Variants in SH3GL3 observed in about 807,000 individuals in gnomAD.
The protein encoded by SH3GL3 is endophilin-A3.
A neutral mutation model predicts 47.7 loss-of-function variants in SH3GL3; 33 were observed. The ratio of observed to expected loss-of-function variants is 0.69; its 90% confidence interval spans 0.52 to 0.92. SH3GL3 has a LOEUF of 0.92. Among genes scored for constraint, SH3GL3 ranks in the 40% least tolerant of loss-of-function variants. SH3GL3 has a pLI of 0.00. For missense variants in SH3GL3, 363 were observed against 417.8 expected (o/e 0.87, Z 1.14); for synonymous variants, 155 against 148.8 (o/e 1.04, Z -0.30).
At chr15:83,614,051 A>T (rs1446802989) in intron 8 of SH3GL3, among the ~76,000 whole-genome samples, 2 of 152,204 alleles carry the variant, frequency 1.3e-5, no homozygotes, top group African/African-American at 4.8e-5. Flanking sequence ...CCACATTAAA[A>T]CAGTTATACA....
chr15:83,536,296 A>C (rs1047865686), intron 1 of SH3GL3, among the ~76,000 whole-genome samples: 6 of 152,062 alleles, frequency 3.9e-5, no homozygotes, highest in African/African-American at 9.7e-5. Context: ...TCCTGGGCAC[A>C]CTCAGCCAAG....
At chr15:83,563,800 G>A (rs915235664) in intron 2 of SH3GL3, among the ~76,000 whole-genome samples, 10 of 151,840 alleles carry the variant, frequency 6.6e-5, no homozygotes, top group African/African-American at 1.9e-4. Flanking sequence ...CATCATGCCC[G>A]GCTAATTTTT....
At chr15:83,486,406 C>T (rs970310488) in intron 1 of SH3GL3, among the ~76,000 whole-genome samples, 19 of 152,148 alleles carry the variant, frequency 1.2e-4, no homozygotes, top group Non-Finnish European at 2.4e-4. Flanking sequence ...TCATTTCCCA[C>T]CCCACCCATC....
intron 1 of SH3GL3, among the ~76,000 whole-genome samples, chr15:83,485,879 A>G (rs899956855): frequency 6.6e-6 from 1 of 152,234 alleles, no homozygotes; most frequent in African/African-American, 2.4e-5. Context: ...ACAGAAAACT[A>G]AAGAGAAAAA....
chr15:83,558,915 CT>C (rs2045103641), intron 1 of SH3GL3, among the ~76,000 whole-genome samples: 1 of 152,096 alleles, frequency 6.6e-6, no homozygotes. Flanking sequence ...TCTTATTGTT[CT>C]TTTCTTGTTT....
chr15:83,585,213 T>TC (rs138618635), intron 6 of SH3GL3, among the ~76,000 whole-genome samples: 8,175 of 152,288 alleles, frequency 0.054, 302 homozygotes, highest in Non-Finnish European at 0.083. Context: ...TGCCATTGTT[T>TC]CCCAAGGTTT....
At chr15:83,492,435 G>A (rs970133179) in intron 1 of SH3GL3, among the ~76,000 whole-genome samples, 2 of 151,920 alleles carry the variant, frequency 1.3e-5, no homozygotes, top group East Asian at 1.9e-4. Context: ...AAAAAAAGAC[G>A]GGGGAAGTGG....
chr15:83,601,257 G>A (rs1317363177), intron 8 of SH3GL3, among the ~76,000 whole-genome samples: 2 of 152,164 alleles, frequency 1.3e-5, no homozygotes. Flanking sequence ...GTGAGAGTGG[G>A]CATCCTTGTC....
At chr15:83,586,878 C>A in intron 6 of SH3GL3, 105 bp from the exon 7 acceptor site, 1 of 562,800 alleles carries the variant, frequency 1.8e-6, no homozygotes, top group Admixed American at 3.5e-5. Context: ...CCAAGGCAGA[C>A]ACTGGTCTTC....
chr15:83,542,049 A>G (rs533851820), intron 1 of SH3GL3, among the ~76,000 whole-genome samples: 9 of 152,322 alleles, frequency 5.9e-5, no homozygotes, highest in Admixed American at 2.0e-4. Context: ...TGCCAAAATC[A>G]GTGTCCTGGA....
intron 6 of SH3GL3, among the ~76,000 whole-genome samples, chr15:83,579,186 C>G (rs988255428): frequency 1.3e-5 from 2 of 152,222 alleles, no homozygotes; most frequent in African/African-American, 4.8e-5. Context: ...GGGTTAAGTC[C>G]TCCCACCCTG....
intron 8 of SH3GL3, among the ~76,000 whole-genome samples, chr15:83,610,738 G>A (rs2060638440): frequency 6.6e-6 from 1 of 152,076 alleles, no homozygotes; most frequent in Non-Finnish European, 1.5e-5. Context: ...GGGGGAAATA[G>A]TGGTACCTAC....
intron 1 of SH3GL3, among the ~76,000 whole-genome samples, chr15:83,486,181 A>G (rs2151568004): frequency 6.6e-6 from 1 of 152,338 alleles, no homozygotes; most frequent in African/African-American, 2.4e-5. Context: ...ATGAATCTGG[A>G]TCTAACCAAA....
chr15:83,506,199 G>A (rs1410910903), intron 1 of SH3GL3, among the ~76,000 whole-genome samples: 2 of 152,104 alleles, frequency 1.3e-5, no homozygotes, highest in South Asian at 2.1e-4. Flanking sequence ...TCACCTACAT[G>A]TGGTGGTTTT....
rs566735498 is a variant in SH3GL3, at chr15:83,447,851, G to T, written c.45+273G>T. 1.3e-3 allele frequency among the ~76,000 whole-genome samples: 195 copies of T among 152,198 alleles called. 5 individuals are homozygous for T. The South Asian group carries it at 0.024, about 19-fold the overall frequency. On this transcript the variant is annotated intron_variant, in intron 1 of 8. Coordinates refer to ENST00000427482, the MANE Select transcript of SH3GL3 (RefSeq NM_003027.5). The surrounding 1 kb of genome is among the most constrained non-coding windows in gnomAD (Gnocchi z 5.1). ...GGAGCGGAGGGCAGAGGTGGCGGCC[G>T]CGGGGACTCGGGAGGCGGAGACGGA...
At chr15:83,548,066 T>C (rs1456615809) in intron 1 of SH3GL3, among the ~76,000 whole-genome samples, 1 of 151,590 alleles carries the variant, frequency 6.6e-6, no homozygotes, top group East Asian at 1.9e-4. Flanking sequence ...TTTTTTTTAA[T>C]GTGGTGGTGT....
At chr15:83,607,883 A>AT (rs1567034322) in intron 8 of SH3GL3, among the ~76,000 whole-genome samples, 11 of 147,856 alleles carry the variant, frequency 7.4e-5, no homozygotes, top group Admixed American at 6.8e-5. Context: ...TAATAATACA[A>AT]ACAACAACAA....
chr15:83,505,200 C>T (rs144311035), intron 1 of SH3GL3, among the ~76,000 whole-genome samples: 1,737 of 152,192 alleles, frequency 0.011, 17 homozygotes, highest in Non-Finnish European at 0.015. Flanking sequence ...GGGCATGTTT[C>T]CTGGTGCACA....
At chr15:83,504,261 T>G (rs1298026651) in intron 1 of SH3GL3, among the ~76,000 whole-genome samples, 1 of 152,208 alleles carries the variant, frequency 6.6e-6, no homozygotes. Flanking sequence ...AATGGAATCT[T>G]GCCAGTTTCC....
Sources: allele counts gnomAD v4.1 joint callset (sites outside exome capture counted in the v4.1 genomes callset), GRCh38; gene constraint gnomAD v4.1.1; non-coding constraint Gnocchi (gnomAD v3.1); transcripts MANE v1.5; gene names NCBI Gene and HGNC (gene_info 2026-07-23, HGNC 2026-07-21).